The following PCDHGA1 variants were observed in gnomAD, a reference collection of about 807,000 sequenced individuals.
PCDHGA1 encodes protocadherin gamma-A1.
PCDHGA1 carries 32 observed loss-of-function variants against 58.0 expected under a neutral mutation model. That is an observed-to-expected ratio of 0.55 (90% confidence interval 0.42 to 0.74). The LOEUF is 0.74. PCDHGA1 is among the 30% of genes least tolerant of loss of function. The pLI, the probability that PCDHGA1 is intolerant of heterozygous loss-of-function variation, is 0.00. For synonymous variants in PCDHGA1, 498 were observed against 501.1 expected (o/e 0.99, Z 0.08); for missense variants, 1,205 against 1,182.3 (o/e 1.02, Z -0.28).
intron 1 of PCDHGA1, chr5:141,341,865 G>A (rs1006777497): frequency 5.9e-6 from 1 of 170,894 alleles, no homozygotes; most frequent in Non-Finnish European, 1.2e-5. Flanking sequence ...TTCTCATTCA[G>A]TCTTAATACA....
intron 1 of PCDHGA1, among the ~76,000 whole-genome samples, chr5:141,471,014 G>A (rs2099246573): frequency 6.7e-6 from 1 of 148,628 alleles, no homozygotes; most frequent in Non-Finnish European, 1.5e-5. Context: ...ACTGTGCCTG[G>A]TCAATCATTT....
rs952011348 is a variant in PCDHGA1, at chr5:141,334,768, G to T, written c.2421+1663G>T. 1 of 152,226 alleles carries T rather than the reference G, an allele frequency of 6.6e-6. No individual in the cohort carries two copies. The highest frequency in any genetic ancestry group is 2.4e-5 in the African/African-American group (1 of 41,454). 9.4% of individuals were successfully genotyped at this position (152,226 alleles called of 1,614,324 possible). A position where few individuals can be genotyped will look rare whatever the true frequency, so the allele number is the denominator to read the frequency against. ...CTGTGGTATCCAGAATATCACTGCT[G>T]TGCATCATTAAAGCGTCATTAAGAG... On this transcript the variant is annotated intron_variant, in intron 1 of 3. Coordinates refer to ENST00000517417, the MANE Select transcript of PCDHGA1 (RefSeq NM_018912.3). This position sits in a 1 kb window ranked among gnomAD's most constrained non-coding sequence, Gnocchi z 4.6.
intron 1 of PCDHGA1, chr5:141,370,945 A>G (rs926355421): frequency 6.2e-7 from 1 of 1,614,020 alleles, no homozygotes; most frequent in Non-Finnish European, 8.5e-7. Context: ...ATTCAGAAGG[A>G]GAACCTGGAT....
chr5:141,478,637 G>A (rs1227108157), intron 1 of PCDHGA1: 2 of 1,552,684 alleles, frequency 1.3e-6, no homozygotes, highest in Non-Finnish European at 1.7e-6. Context: ...TTTTAGTGAT[G>A]AAGATGTTTT....
intron 1 of PCDHGA1, among the ~76,000 whole-genome samples, chr5:141,461,390 C>T (rs1220034894): frequency 2.0e-5 from 3 of 152,080 alleles, no homozygotes; most frequent in East Asian, 3.9e-4. Context: ...TGATGATTAG[C>T]GATGTTGAGC....
rs746913952 is a variant in PCDHGA1, at chr5:141,432,898, G to T, written c.2422-61909G>T. 2.5e-6 allele frequency: 4 copies of T among 1,614,174 alleles called. No individual in the cohort carries two copies. Among genetic ancestry groups the T allele is most frequent in the Admixed American group, 3.3e-5 (2 of 60,034 alleles). ...TGGCCTTCGTCATCTTGCTGCTGGC[G>T]CTCAGGCTGCGGCGCTGGCACAAGT... On this transcript the variant is annotated intron_variant, in intron 1 of 3. Coordinates refer to ENST00000517417, the MANE Select transcript of PCDHGA1 (RefSeq NM_018912.3). The surrounding 1 kb of genome is among the most constrained non-coding windows in gnomAD (Gnocchi z 6.0).
At chr5:141,345,394 A>T (rs900334527) in intron 1 of PCDHGA1, 1 of 1,613,930 alleles carries the variant, frequency 6.2e-7, no homozygotes, top group Non-Finnish European at 8.5e-7. Context: ...ACCTTCCCTC[A>T]TTTATCCTAC....
intron 1 of PCDHGA1, chr5:141,362,603 C>A: frequency 6.4e-7 from 1 of 1,572,606 alleles, no homozygotes; most frequent in Non-Finnish European, 8.6e-7. Context: ...ATTGTTTCAC[C>A]TAATTTGGGT....
chr5:141,423,011 T>C, intron 1 of PCDHGA1: 4 of 1,614,186 alleles, frequency 2.5e-6, no homozygotes, highest in Non-Finnish European at 3.4e-6. Flanking sequence ...GTGGTTGCGG[T>C]GGACAAAGAT....
chr5:141,383,826 T>C, intron 1 of PCDHGA1: 1 of 1,613,966 alleles, frequency 6.2e-7, no homozygotes, highest in Non-Finnish European at 8.5e-7. Flanking sequence ...GATTAGATTA[T>C]GAAGAAACTG....
rs147043551 is a variant in PCDHGA1, at chr5:141,333,086, A to G, written c.2402A>G (p.Lys801Arg). 2 of 1,614,220 alleles carry G rather than the reference A, an allele frequency of 1.2e-6. No individual in the cohort carries two copies. Among genetic ancestry groups the G allele is most frequent in the African/African-American group, 1.3e-5 (1 of 75,038 alleles). The change falls in exon 1 of 4, where the codon AAA becomes AGA. Residue 801 changes from lysine to arginine, a missense_variant. Transcript: ENST00000517417. ...GCACCCCAGTCTTTACTTGAAGACA[A>G]AAAGGAACCATTTTCTCAGGTAAAC... Reference protein sequence around the residue: ...LSAPQSLLEDKKEPFSQQAPP... With the variant: ...LSAPQSLLEDRKEPFSQQAPP...
chr5:141,431,560 C>T lies in PCDHGA1; in HGVS notation c.2422-63247C>T, dbSNP rs751276470. On this transcript the variant is annotated intron_variant, in intron 1 of 3. Coordinates refer to ENST00000517417, the MANE Select transcript of PCDHGA1 (RefSeq NM_018912.3). This position sits in a 1 kb window ranked among gnomAD's most constrained non-coding sequence, Gnocchi z 4.8. ...CGCAGCTGCTTGTAGTCAACGCTAC[C>T]GACCCTGACGAAGGAGTCAATGCGG... The T allele has an allele frequency of 6.2e-7, 1 of 1,614,104 alleles. No individual in the cohort carries two copies. The highest frequency in any genetic ancestry group is 1.7e-5 in the Admixed American group (1 of 60,036).
Position 141,372,333 on chromosome 5 carries a change from C to T in PCDHGA1, c.2421+39228C>T, listed in dbSNP as rs376897075. On this transcript the variant is annotated intron_variant, in intron 1 of 3. Transcript: ENST00000517417. The stretch of plus-strand genomic sequence containing the variant: ...CCGCCAGCGCCTGCTGGTCACTGTG[C>T]GTGATGGAGGACAGCAGCCTCTTTC... 5.9e-5 allele frequency: 96 copies of T among 1,613,614 alleles called. No homozygotes were observed. Among genetic ancestry groups the T allele is most frequent in the Non-Finnish European group, 7.9e-5 (93 of 1,179,914 alleles).
intron 1 of PCDHGA1, chr5:141,403,361 A>T (rs760277157): frequency 3.1e-6 from 5 of 1,614,050 alleles, no homozygotes; most frequent in Middle Eastern, 1.6e-4. Context: ...CCAGGCCGAA[A>T]GTCTGGAAGT....
chr5:141,428,061 G>A (rs755817800), intron 1 of PCDHGA1: 1 of 1,609,154 alleles, frequency 6.2e-7, no homozygotes, highest in South Asian at 1.1e-5. Flanking sequence ...GGTGGCGGTG[G>A]ACGCAGATTC....
At chr5:141,414,762 T>G in intron 1 of PCDHGA1, 1 of 1,614,210 alleles carries the variant, frequency 6.2e-7, no homozygotes. Context: ...ATGAGCAGTT[T>G]CATGAGCTAC....
intron 1 of PCDHGA1, chr5:141,417,646 C>G: frequency 1.3e-6 from 1 of 797,874 alleles, no homozygotes. Context: ...GATCCCTCAG[C>G]CTCTAGCCTG....
chr5:141,362,133 T>G, intron 1 of PCDHGA1: 2 of 1,614,020 alleles, frequency 1.2e-6, no homozygotes, highest in South Asian at 2.2e-5. Flanking sequence ...TCTTCGCGGA[T>G]AGCCTGCAAG....
At chr5:141,427,963 T>C (rs1289642441) in intron 1 of PCDHGA1, 1 of 1,589,380 alleles carries the variant, frequency 6.3e-7, no homozygotes, top group East Asian at 2.2e-5. Flanking sequence ...GTGCCGCGGG[T>C]GCTGTACCCC....
Sources: allele counts gnomAD v4.1 joint callset (sites outside exome capture counted in the v4.1 genomes callset), GRCh38; gene constraint gnomAD v4.1.1; non-coding constraint Gnocchi (gnomAD v3.1); transcripts MANE v1.5; gene names NCBI Gene and HGNC (gene_info 2026-07-23, HGNC 2026-07-21).